Variants in TMEM154 observed in about 807,000 individuals in gnomAD.
TMEM154 encodes transmembrane protein 154.
A neutral mutation model predicts 24.5 loss-of-function variants in TMEM154; 27 were observed. The ratio of observed to expected loss-of-function variants is 1.10; its 90% CI spans 0.81 to 1.52. The LOEUF (loss-of-function observed/expected upper bound fraction) is 1.52. Ranked by LOEUF, TMEM154 falls within the 40% of genes most tolerant of loss-of-function variation. The probability of loss-of-function intolerance (pLI) is 0.00; values close to 1 mark genes in which losing one functional copy is unlikely to be tolerated. For missense variants in TMEM154, 228 were observed against 213.4 expected (o/e 1.07, Z -0.43); for synonymous variants, 67 against 76.8 (o/e 0.87, Z 0.67).
At chr4:152,634,771 T>C (rs527480034) in intron 6 of TMEM154, among the ~76,000 whole-genome samples, 8 of 152,332 alleles carry the variant, frequency 5.3e-5, no homozygotes, top group South Asian at 2.1e-4. Flanking sequence ...AAGCTCAGAT[T>C]TGAGAGAATC....
At chr4:152,663,374 G>A (rs1259575285) in intron 1 of TMEM154, among the ~76,000 whole-genome samples, 1 of 152,220 alleles carries the variant, frequency 6.6e-6, no homozygotes, top group Non-Finnish European at 1.5e-5. Context: ...GACAGAAATA[G>A]GACACAGGGT....
At chr4:152,672,235 G>T (rs1579538809) in intron 1 of TMEM154, among the ~76,000 whole-genome samples, 1 of 152,018 alleles carries the variant, frequency 6.6e-6, no homozygotes, top group African/African-American at 2.4e-5. Flanking sequence ...ATACAGCCTG[G>T]GTGACAAAGT....
chr4:152,644,340 C>A, intron 4 of TMEM154, 75 bp downstream of exon 4: 1 of 1,543,418 alleles, frequency 6.5e-7, no homozygotes, highest in Non-Finnish European at 9.0e-7. Flanking sequence ...ACAAAAACAC[C>A]TGAAAAGGCA....
rs781474302 is a variant in TMEM154 at position 152,644,437 on chromosome 4, G to A, written c.370C>T (p.Leu124=). The change falls in exon 4 of 7, where the codon CTG becomes TTG. Residue 124 remains leucine (L), a synonymous_variant. Coordinates refer to ENST00000304385, the MANE Select transcript of TMEM154 (RefSeq NM_152680.3). ...TACACTTTCACGTTTTCACTTCCCA[G>A]TTCATCTAAAAGGAAATGAACATAA... ...GSQSALQTYE[L]GSENVKVPIF... is the part of the protein sequence containing the mutation. 1.9e-6 allele frequency: 3 copies of A among 1,614,120 alleles called. No individual in the cohort carries two copies. In the South Asian group the frequency reaches 3.3e-5, roughly 18 times the overall value.
chr4:152,639,912 G>A (rs753915372), intron 6 of TMEM154: 2 of 152,880 alleles, frequency 1.3e-5, no homozygotes, highest in Non-Finnish European at 2.9e-5. Context: ...GTTTGTCTGA[G>A]TAAGACTGTG....
chr4:152,641,682 A>G (rs1161407262), intron 5 of TMEM154, among the ~76,000 whole-genome samples: 1 of 63,518 alleles, frequency 1.6e-5, no homozygotes, highest in Non-Finnish European at 3.3e-5. Context: ...TTTTTTTTGC[A>G]TTTTCCAAAT....
intron 1 of TMEM154, among the ~76,000 whole-genome samples, chr4:152,656,604 G>A (rs930555771): frequency 4.6e-5 from 7 of 152,114 alleles, no homozygotes; most frequent in African/African-American, 1.7e-4. Flanking sequence ...TTTCATAGGG[G>A]AGAACTTTTT....
chr4:152,667,834 A>T (rs2149789627), intron 1 of TMEM154, among the ~76,000 whole-genome samples: 1 of 152,314 alleles, frequency 6.6e-6, no homozygotes, highest in East Asian at 1.9e-4. Flanking sequence ...TCTGGTTTTG[A>T]GGAGGTTGTC....
chr4:152,634,437 T>A lies in TMEM154; in HGVS notation c.537-5876A>T, dbSNP rs151238561. On this transcript the variant is annotated intron_variant, in intron 6 of 6. Coordinates refer to ENST00000304385, the MANE Select transcript of TMEM154 (RefSeq NM_152680.3). ...GTTTAGCATAAAGTCACATAACAATTAGATCAGGCTCCCTTTCTCTTCAAT... is the reference window on the plus strand; with the variant it reads ...GTTTAGCATAAAGTCACATAACAATAAGATCAGGCTCCCTTTCTCTTCAAT... 3.3e-3 allele frequency among the ~76,000 whole-genome samples: 496 copies of A among 152,326 alleles called. 4 individuals are homozygous for A. Among genetic ancestry groups the A allele is most frequent in the African/African-American group, 0.011 (477 of 41,584 alleles).
At chr4:152,638,686 TG>T (rs1303666506) in intron 6 of TMEM154, among the ~76,000 whole-genome samples, 9 of 150,934 alleles carry the variant, frequency 6.0e-5, no homozygotes, top group African/African-American at 2.0e-4. Flanking sequence ...GATTTTTTAA[TG>T]AATAAAAAAT....
intron 1 of TMEM154, among the ~76,000 whole-genome samples, chr4:152,674,058 A>T (rs1338571369): frequency 2.6e-5 from 4 of 152,142 alleles, no homozygotes; most frequent in African/African-American, 9.7e-5. Context: ...CAACACCTAG[A>T]AATGTTGAAT....
chr4:152,653,537 G>A (rs1238129240), intron 1 of TMEM154, among the ~76,000 whole-genome samples: 2 of 151,456 alleles, frequency 1.3e-5, no homozygotes. Flanking sequence ...TTACAGGCAT[G>A]TGCCACCATA....
chr4:152,643,203 A>C (rs987153132), intron 4 of TMEM154, 30 bp from the exon 5 acceptor site: 1 of 1,505,088 alleles, frequency 6.6e-7, no homozygotes, highest in East Asian at 2.3e-5. Context: ...GACTTGTTAG[A>C]AAGAAATGTG....
At chr4:152,629,060 G>A (rs941944473) in intron 6 of TMEM154, among the ~76,000 whole-genome samples, 9 of 152,138 alleles carry the variant, frequency 5.9e-5, no homozygotes, top group Non-Finnish European at 8.8e-5. Context: ...TTTCTGAAAC[G>A]AAGGTCAGTC....
intron 6 of TMEM154, among the ~76,000 whole-genome samples, chr4:152,634,074 T>C (rs1307161297): frequency 6.7e-6 from 1 of 149,592 alleles, no homozygotes; most frequent in Non-Finnish European, 1.5e-5. Flanking sequence ...GGAACACCTT[T>C]CCCAAAATCC....
chr4:152,664,448 T>C (rs28766591), intron 1 of TMEM154, among the ~76,000 whole-genome samples: 14,654 of 152,084 alleles, frequency 0.096, 808 homozygotes, highest in African/African-American at 0.13. Flanking sequence ...ACCTATATGA[T>C]GGGTTGATAG....
chr4:152,676,864 G>A (rs537049287), intron 1 of TMEM154, among the ~76,000 whole-genome samples: 29 of 152,290 alleles, frequency 1.9e-4, no homozygotes, highest in Admixed American at 1.4e-3. Context: ...CACCAAAACA[G>A]TCACAGCATC....
chr4:152,630,309 C>CAA (rs56827457), intron 6 of TMEM154, among the ~76,000 whole-genome samples: 4,789 of 91,336 alleles, frequency 0.052, 294 homozygotes, highest in East Asian at 0.071. Flanking sequence ...CACCCTGTCT[C>CAA]AAAAAAAAAA....
intron 6 of TMEM154, among the ~76,000 whole-genome samples, chr4:152,637,797 C>G (rs1027266209): frequency 6.6e-6 from 1 of 152,082 alleles, no homozygotes; most frequent in African/African-American, 2.4e-5. Context: ...AATTCACAAG[C>G]TTTTAGAGAA....
Sources: allele counts gnomAD v4.1 joint callset (sites outside exome capture counted in the v4.1 genomes callset), GRCh38; gene constraint gnomAD v4.1.1; transcripts MANE v1.5; gene names NCBI Gene and HGNC (gene_info 2026-07-23, HGNC 2026-07-21).